Variants in HMG20A observed in about 807,000 individuals in gnomAD.
The protein encoded by HMG20A is high mobility group 20A, also known as high mobility group protein 20A.
In HMG20A, 17 loss-of-function variants were observed where a neutral mutation model predicts 43.9. The ratio of observed to expected loss-of-function variants is 0.39; its 90% CI spans 0.27 to 0.58. The LOEUF (loss-of-function observed/expected upper bound fraction) is 0.58. Among genes scored for constraint, HMG20A ranks in the 20% least tolerant of loss-of-function variants. The pLI, the probability that HMG20A is intolerant of heterozygous loss-of-function variation, is 0.59. For synonymous variants in HMG20A, 132 were observed against 147.5 expected (o/e 0.89, Z 0.76); for missense variants, 341 against 438.2 (o/e 0.78, Z 1.98).
At chr15:77,471,497 A>G (rs1040346623) in intron 5 of HMG20A, among the ~76,000 whole-genome samples, 7 of 152,206 alleles carry the variant, frequency 4.6e-5, no homozygotes, top group African/African-American at 1.4e-4. Context: ...TAGATGTTGT[A>G]TAAGTAGTCT....
rs149774815 is a variant in HMG20A at position 77,425,931 on chromosome 15, T to C, written c.-5+4927T>C. Among the ~76,000 whole-genome samples, 14 of 152,326 alleles carry C rather than the reference T, an allele frequency of 9.2e-5. No homozygotes were observed. The East Asian group carries it at 2.5e-3, about 27-fold the overall frequency. ...GATATAGCCATACAATGGAATATTATTCAGCAACAAAGAGAAACAAAGTAG... is the reference window on the plus strand; with the variant it reads ...GATATAGCCATACAATGGAATATTACTCAGCAACAAAGAGAAACAAAGTAG... On this transcript the variant is annotated intron_variant, in intron 1 of 9. Coordinates refer to ENST00000336216, the MANE Select transcript of HMG20A (RefSeq NM_001304504.2).
chr15:77,454,016 A>T (rs2072631324), intron 1 of HMG20A, among the ~76,000 whole-genome samples: 1 of 151,884 alleles, frequency 6.6e-6, no homozygotes, highest in Non-Finnish European at 1.5e-5. Context: ...CAAAAAAAAA[A>T]AAAAATTAAA....
chr15:77,423,057 G>A (rs2142261043), intron 1 of HMG20A, among the ~76,000 whole-genome samples: 1 of 152,264 alleles, frequency 6.6e-6, no homozygotes, highest in East Asian at 1.9e-4. Flanking sequence ...TTGAGATAGA[G>A]TAATATTGCC....
intron 6 of HMG20A, among the ~76,000 whole-genome samples, chr15:77,472,720 G>A (rs2036896): frequency 0.08 from 12,136 of 152,306 alleles, 595 homozygotes; most frequent in Non-Finnish European, 0.1. Flanking sequence ...TTAGGTGTGT[G>A]TGTTGTTTCA....
intron 1 of HMG20A, among the ~76,000 whole-genome samples, chr15:77,430,284 A>G (rs1285061109): frequency 6.6e-6 from 1 of 152,250 alleles, no homozygotes; most frequent in Non-Finnish European, 1.5e-5. Context: ...AGGTTAAATA[A>G]CTTGCCGAAT....
At chr15:77,444,641 A>G (rs1319569274) in intron 1 of HMG20A, among the ~76,000 whole-genome samples, 2 of 152,218 alleles carry the variant, frequency 1.3e-5, no homozygotes, top group Admixed American at 1.3e-4. Flanking sequence ...TTGAAGTTTT[A>G]TCATGTTGAG....
chr15:77,492,257 T>C, the HMG20A span, among the ~76,000 whole-genome samples: 1 of 152,252 alleles, frequency 6.6e-6, no homozygotes, highest in Non-Finnish European at 1.5e-5. Context: ...TGACCATAAA[T>C]AATATTTCAA....
intron 1 of HMG20A, among the ~76,000 whole-genome samples, chr15:77,429,157 A>G (rs926752219): frequency 6.6e-6 from 1 of 152,154 alleles, no homozygotes. Context: ...AACACAGGCA[A>G]CATAGCAAGA....
the HMG20A span, among the ~76,000 whole-genome samples, chr15:77,507,797 C>A: frequency 1.3e-5 from 2 of 151,928 alleles, no homozygotes; most frequent in Admixed American, 6.6e-5. Flanking sequence ...CCAACAGAGA[C>A]AGCTGACTGT....
chr15:77,433,095 A>G (rs993476590), intron 1 of HMG20A, among the ~76,000 whole-genome samples: 31 of 152,186 alleles, frequency 2.0e-4, no homozygotes, highest in African/African-American at 7.5e-4. Context: ...TTGGCTGGGC[A>G]TGGTGGCTAA....
intron 2 of HMG20A, 30 bp from the exon 3 acceptor site, chr15:77,464,210 G>C: frequency 6.2e-7 from 1 of 1,607,440 alleles, no homozygotes; most frequent in Non-Finnish European, 8.5e-7. Flanking sequence ...TGGAGTTTTT[G>C]TGTTGTTGAT....
chr15:77,518,386 C>T, the HMG20A span, among the ~76,000 whole-genome samples: 1 of 152,184 alleles, frequency 6.6e-6, no homozygotes, highest in Non-Finnish European at 1.5e-5. Context: ...AGTTTTCAAG[C>T]CTTGGTGATC....
intron 2 of HMG20A, 121 bp from the exon 3 acceptor site, chr15:77,464,119 C>T: frequency 1.8e-6 from 2 of 1,103,002 alleles, no homozygotes; most frequent in Non-Finnish European, 2.6e-6. Context: ...TACATTTATA[C>T]AGATTATTGG....
At chr15:77,433,338 T>TAAAAAA (rs56217820) in intron 1 of HMG20A, among the ~76,000 whole-genome samples, 1 of 118,518 alleles carries the variant, frequency 8.4e-6, no homozygotes, top group Admixed American at 9.0e-5. Context: ...ACCCTGTCTC[T>TAAAAAA]AAAAAAAAAA....
At chr15:77,450,978 A>G (rs1008367161) in intron 1 of HMG20A, among the ~76,000 whole-genome samples, 2 of 152,190 alleles carry the variant, frequency 1.3e-5, no homozygotes, top group African/African-American at 4.8e-5. Context: ...ATTTTGGAGC[A>G]TTTTGAATTT....
Position 77,445,571 on chromosome 15 carries a change from A to AT in HMG20A, c.-4-12824dup, listed in dbSNP as rs545600353. On this transcript the variant is annotated intron_variant, in intron 1 of 9. Coordinates refer to ENST00000336216, the MANE Select transcript of HMG20A (RefSeq NM_001304504.2). ...GGTCTTAGCAACCTCAGCATTTGTG[A>AT]TTTTTTTTTCCTTTTGTTAAGTTGG... 3.2e-4 allele frequency among the ~76,000 whole-genome samples: 49 copies of AT among 151,598 alleles called. No homozygotes were observed. In the South Asian group the frequency reaches 7.1e-3, roughly 22 times the overall value.
At chr15:77,428,657 C>T (rs971587574) in intron 1 of HMG20A, among the ~76,000 whole-genome samples, 4 of 152,020 alleles carry the variant, frequency 2.6e-5, no homozygotes, top group Admixed American at 1.3e-4. Flanking sequence ...ATTCAAGGCT[C>T]GAGATTACAC....
the HMG20A span, among the ~76,000 whole-genome samples, chr15:77,493,286 A>G: frequency 1.3e-5 from 2 of 152,202 alleles, no homozygotes; most frequent in Admixed American, 1.3e-4. Flanking sequence ...AGGCCCCTTC[A>G]AGGAAGTGAC....
Position 77,478,330 on chromosome 15 carries a change from A to G in HMG20A, c.727A>G (p.Asn243Asp). Residue 243 changes from asparagine (N) to aspartate (D), a missense_variant, in exon 8 of 10, where the codon AAC becomes GAC. This residue lies in a region of HMG20A where 118 missense variants were observed against 154.5 expected (regional missense o/e 0.76). Coordinates refer to ENST00000336216, the MANE Select transcript of HMG20A (RefSeq NM_001304504.2). ...EAELRQLRKS[N>D]MEFEERNAAL... The stretch of plus-strand genomic sequence containing the variant: ...AGAGCTCCGCCAGCTTCGCAAATCC[A>G]ACATGGAGTTTGAGGAGAGGAATGC... 6.2e-7 allele frequency: 1 copy of G among 1,613,714 alleles called. No homozygotes were observed. The highest frequency in any genetic ancestry group is 8.5e-7 in the Non-Finnish European group (1 of 1,180,038).
Sources: allele counts gnomAD v4.1 joint callset (sites outside exome capture counted in the v4.1 genomes callset), GRCh38; gene constraint gnomAD v4.1.1; regional missense constraint gnomAD v4.1.1; transcripts MANE v1.5; gene names NCBI Gene and HGNC (gene_info 2026-07-23, HGNC 2026-07-21).